SIMC1: variants seen among roughly 807,000 people sequenced by gnomAD.
SIMC1 encodes the protein SUMO-interacting motif-containing protein 1.
Under a neutral mutation model 82.3 loss-of-function variants are expected in SIMC1, and 55 were observed. The observed-to-expected ratio is 0.67, with a 90% CI of 0.54 to 0.84. The LOEUF (loss-of-function observed/expected upper bound fraction) is 0.84. SIMC1 is among the 40% of genes least tolerant of loss of function. The probability of loss-of-function intolerance (pLI) is 0.00; values close to 1 mark genes in which losing one functional copy is unlikely to be tolerated. For missense variants in SIMC1, 915 were observed against 1,107.2 expected (o/e 0.83, Z 2.46); for synonymous variants, 353 against 426.3 (o/e 0.83, Z 2.12).
chr5:176,249,966 G>C (rs554268460), intron 1 of SIMC1, among the ~76,000 whole-genome samples: 3 of 149,836 alleles, frequency 2.0e-5, no homozygotes, highest in Non-Finnish European at 4.4e-5. Flanking sequence ...GCTAGCTTTT[G>C]AATTTGTTAG....
chr5:176,335,101 A>T (rs1258808197), intron 7 of SIMC1, among the ~76,000 whole-genome samples: 2 of 97,200 alleles, frequency 2.1e-5, no homozygotes, highest in African/African-American at 5.5e-5. Flanking sequence ...TGTCTCAAAA[A>T]AAAAAAAATA....
chr5:176,336,808 C>T lies in SIMC1; in HGVS notation c.2260C>T (p.Arg754Cys), dbSNP rs568407706. The change falls in exon 8 of 10, where the codon CGC (arginine) becomes TGC (cysteine). Residue 754 changes from arginine to cysteine, a missense_variant. Coordinates refer to ENST00000429602, the MANE Select transcript of SIMC1 (RefSeq NM_001308195.2). ...CCTCCACAGCTGTGAGACACCCACC[C>T]GCCTGCCTCTGTCTCTGGCCCAGGC... Reference protein sequence around the residue: ...IFLHSCETPTRLPLSLAQALY... With the variant: ...IFLHSCETPTCLPLSLAQALY... 4.3e-4 allele frequency: 693 copies of T among 1,614,002 alleles called. 10 individuals carry two copies. In the South Asian group the frequency reaches 6.4e-3, roughly 15 times the overall value.
Position 176,240,164 on chromosome 5 carries a change from G to A in SIMC1, c.129+1527G>A, listed in dbSNP as rs1474353846. ...TATTTGGCAATCATGCAAACAGAAA[G>A]GAGTATTGAAGGCCTAATAGTGACT... On this transcript the variant is annotated intron_variant, in intron 1 of 9. Transcript: ENST00000429602. 1.7e-4 allele frequency among the ~76,000 whole-genome samples: 15 copies of A among 89,912 alleles called. 2 individuals carry two copies. Among genetic ancestry groups the A allele is most frequent in the African/African-American group, 6.5e-4 (15 of 23,242 alleles). 59.0% of individuals were successfully genotyped at this position (89,912 alleles called of 152,430 possible). A position where few individuals can be genotyped will look rare whatever the true frequency, so the allele number is the denominator to read the frequency against.
chr5:176,260,508 T>G (rs1481981311), intron 1 of SIMC1, among the ~76,000 whole-genome samples: 1 of 152,084 alleles, frequency 6.6e-6, no homozygotes, highest in Non-Finnish European at 1.5e-5. Context: ...TTAGCCAGTC[T>G]CTTATTGATT....
intron 1 of SIMC1, among the ~76,000 whole-genome samples, chr5:176,246,877 G>A (rs1271695997): frequency 6.6e-6 from 1 of 151,902 alleles, no homozygotes; most frequent in Non-Finnish European, 1.5e-5. Context: ...TTCTGTTCCT[G>A]TGTTAGTTTG....
At chr5:176,263,440 G>A (rs1424017616) in intron 1 of SIMC1, 5 of 1,546,422 alleles carry the variant, frequency 3.2e-6, no homozygotes, top group Non-Finnish European at 4.4e-6. Flanking sequence ...CATGGCACCA[G>A]CATCTGCTTC....
chr5:176,284,753 A>G (rs1334038807), intron 1 of SIMC1, among the ~76,000 whole-genome samples: 2 of 152,200 alleles, frequency 1.3e-5, no homozygotes, highest in Non-Finnish European at 1.5e-5. Context: ...GGGCAATAAA[A>G]AATGATAAAG....
At chr5:176,272,216 G>A (rs1298551596) in intron 1 of SIMC1, among the ~76,000 whole-genome samples, 2 of 137,098 alleles carry the variant, frequency 1.5e-5, no homozygotes, top group East Asian at 2.2e-4. Context: ...ATGGTGGAAC[G>A]CACCTGCAGT....
Position 176,295,089 on chromosome 5 carries a change from C to T in SIMC1, c.1491C>T (p.Thr497=). 2 of 1,612,970 alleles carry T rather than the reference C, an allele frequency of 1.2e-6. No homozygotes were observed. Among genetic ancestry groups the T allele is most frequent in the Non-Finnish European group, 1.7e-6 (2 of 1,179,544 alleles). Residue 497 remains threonine, a synonymous_variant, in exon 3 of 10, where the codon ACC becomes ACT. Transcript: ENST00000429602. ...PHRRLRMVTN[T]IEENFPLGTV... is the part of the protein sequence containing the mutation. ...GAAGACTAAGAATGGTAACAAATAC[C>T]ATTGAAGAGAATTTTCCTCTGGGGA... is the stretch of plus-strand genomic sequence containing the variant.
At chr5:176,303,532 C>T (rs974625120) in intron 4 of SIMC1, among the ~76,000 whole-genome samples, 7 of 152,128 alleles carry the variant, frequency 4.6e-5, no homozygotes, top group Non-Finnish European at 1.0e-4. Context: ...GTTGATCAGG[C>T]TGGTCTCGAA....
chr5:176,250,482 T>C (rs1761612639), intron 1 of SIMC1, among the ~76,000 whole-genome samples: 1 of 152,228 alleles, frequency 6.6e-6, no homozygotes, highest in African/African-American at 2.4e-5. Context: ...TAGGTCCACT[T>C]GTTCCAGACC....
chr5:176,253,011 C>T (rs371634447), intron 1 of SIMC1, among the ~76,000 whole-genome samples: 9 of 152,178 alleles, frequency 5.9e-5, no homozygotes, highest in South Asian at 2.1e-4. Context: ...GTGGCGCGCG[C>T]GCCTGCAATC....
At chr5:176,297,601 A>G (rs1458089824) in intron 4 of SIMC1, among the ~76,000 whole-genome samples, 1 of 151,810 alleles carries the variant, frequency 6.6e-6, no homozygotes. Context: ...GGTCTTCCAC[A>G]TTCTGACCTT....
At chr5:176,286,848 C>G (rs1252432191) in intron 1 of SIMC1, among the ~76,000 whole-genome samples, 3 of 152,168 alleles carry the variant, frequency 2.0e-5, no homozygotes, top group Non-Finnish European at 4.4e-5. Flanking sequence ...CAAAAGAAGA[C>G]ATTTATGCAG....
intron 7 of SIMC1, among the ~76,000 whole-genome samples, chr5:176,325,294 C>G (rs571767663): frequency 1.3e-5 from 2 of 151,946 alleles, no homozygotes; most frequent in South Asian, 4.2e-4. Context: ...GGCTGAGACA[C>G]GAAAATCGCT....
rs1764508666 is a variant in SIMC1, at chr5:176,308,184, A to T, written c.1735-5507A>T. Reference sequence around the variant, plus strand: ...GAAGTGATGGGGCTGTGGATAGGGGAGTTGAACAATGATACAAGGAGTGAC... The same window carrying T: ...GAAGTGATGGGGCTGTGGATAGGGGTGTTGAACAATGATACAAGGAGTGAC... On this transcript the variant is annotated intron_variant, in intron 4 of 9. Transcript: ENST00000429602. The T allele has an allele frequency of 3.0e-6, 4 of 1,327,444 alleles. No homozygotes were observed. In the East Asian group the frequency reaches 9.4e-5, roughly 31 times the overall value. 82.2% of individuals were successfully genotyped at this position (1,327,444 alleles called of 1,614,324 possible).
At position 176,290,703 on chromosome 5, in the gene SIMC1, A is replaced by T. The variant is rs201288405; in HGVS notation, c.1179A>T (p.Pro393=). The T allele has an allele frequency of 6.0e-5, 97 of 1,613,846 alleles. No homozygotes were observed. Among genetic ancestry groups the T allele is most frequent in the Non-Finnish European group, 7.9e-5 (93 of 1,179,888 alleles). The stretch of plus-strand genomic sequence containing the variant: ...TGGATATCTCAGCTCTGTCCTCTCC[A>T]AGCTGCTCTCCCAGCCCACAGTCTG... ...MPMDISALSS[P]SCSPSPQSET... Residue 393 remains proline, a synonymous_variant, in exon 2 of 10, where the codon CCA becomes CCT. Coordinates refer to ENST00000429602, the MANE Select transcript of SIMC1 (RefSeq NM_001308195.2).
intron 1 of SIMC1, chr5:176,270,552 T>C (rs1368436903): frequency 2.6e-5 from 4 of 152,074 alleles, no homozygotes; most frequent in Admixed American, 2.0e-4. Context: ...TTTTAACATA[T>C]TAAGGAAAGA....
intron 1 of SIMC1, chr5:176,263,354 G>A: frequency 1.5e-6 from 2 of 1,331,846 alleles, no homozygotes; most frequent in Non-Finnish European, 2.0e-6. Flanking sequence ...ATTGCTGTAA[G>A]GGAATACCTG....
Sources: gnomAD v4.1 joint callset for allele counts (sites outside exome capture counted in the v4.1 genomes callset) on GRCh38, gnomAD v4.1.1 for gene constraint, MANE v1.5 for transcripts, NCBI Gene and HGNC (gene_info 2026-07-23, HGNC 2026-07-21) for gene names.